COL11A1: variants seen among roughly 807,000 people sequenced by gnomAD.
COL11A1 encodes the protein collagen alpha-1(XI) chain.
Under a neutral mutation model 265.2 loss-of-function variants are expected in COL11A1, and 74 were observed. The ratio of observed to expected loss-of-function variants is 0.28; its 90% CI spans 0.23 to 0.34. COL11A1 has a LOEUF of 0.34. Among genes scored for constraint, COL11A1 ranks in the 10% least tolerant of loss-of-function variants. The probability of loss-of-function intolerance (pLI) is 1.00; values close to 1 mark genes in which losing one functional copy is unlikely to be tolerated. For synonymous variants in COL11A1, 816 were observed against 727.6 expected, an observed-to-expected ratio of 1.12 and a Z score of -1.96; for missense variants, 2,165 against 2,263.6, an observed-to-expected ratio of 0.96 and a Z score of 0.88.
At chr1:102,914,039 A>G (rs1355899461) in intron 52 of COL11A1, among the ~76,000 whole-genome samples, 1 of 152,186 alleles carries the variant, frequency 6.6e-6, no homozygotes, top group Non-Finnish European at 1.5e-5. Flanking sequence ...GAAACAGAAA[A>G]GCAAAGATCC....
chr1:102,957,995 A>G (rs1660533024), intron 41 of COL11A1, among the ~76,000 whole-genome samples: 1 of 152,106 alleles, frequency 6.6e-6, no homozygotes, highest in African/African-American at 2.4e-5. Context: ...CTCAGAACTC[A>G]TCACTTTGCT....
At chr1:102,945,331 G>C (rs1366842993) in intron 42 of COL11A1, among the ~76,000 whole-genome samples, 1 of 148,574 alleles carries the variant, frequency 6.7e-6, no homozygotes, top group African/African-American at 2.5e-5. Flanking sequence ...GTGCCAAGAA[G>C]TTCTTTACCA....
At position 103,030,901 on chromosome 1, in the gene COL11A1, T is replaced by A. The variant is rs1667934270; in HGVS notation, c.780+215A>T. ...TACACAGTATACAAGTGAAGCACCA[T>A]TATTGCTAATAAATTTATGTAATCA... is the stretch of plus-strand genomic sequence containing the variant. On this transcript the variant is annotated intron_variant, in intron 5 of 66. Transcript: ENST00000370096. The A allele has an allele frequency of 2.5e-5, 14 of 559,016 alleles. No homozygotes were observed. The South Asian group carries it at 2.7e-4, about 11-fold the overall frequency. The allele number at this position is 559,016 out of a possible 1,614,324, so 34.6% of individuals were successfully genotyped here.
At chr1:102,960,497 A>G (rs900490956) in intron 41 of COL11A1, among the ~76,000 whole-genome samples, 2 of 150,342 alleles carry the variant, frequency 1.3e-5, no homozygotes, top group African/African-American at 4.9e-5. Flanking sequence ...TGGGGGGGGG[A>G]ATTTTTACAA....
At chr1:103,062,639 C>T (rs1038896706) in intron 4 of COL11A1, among the ~76,000 whole-genome samples, 1 of 151,920 alleles carries the variant, frequency 6.6e-6, no homozygotes, top group Non-Finnish European at 1.5e-5. Flanking sequence ...GATTTTAAAA[C>T]ATGTTCTGAA....
chr1:103,013,690 A>G (rs1295992335), intron 13 of COL11A1, among the ~76,000 whole-genome samples: 3 of 151,944 alleles, frequency 2.0e-5, no homozygotes, highest in Non-Finnish European at 4.4e-5. Flanking sequence ...CACATGCTGC[A>G]TAAATTCATC....
chr1:102,930,971 A>G (rs1272547127), intron 46 of COL11A1, among the ~76,000 whole-genome samples: 5 of 147,608 alleles, frequency 3.4e-5, no homozygotes, highest in African/African-American at 4.9e-5. Flanking sequence ...CGTCTATTTG[A>G]TTCTTCTCTC....
chr1:102,878,959 T>C (rs1649894219), intron 66 of COL11A1, among the ~76,000 whole-genome samples: 1 of 152,180 alleles, frequency 6.6e-6, no homozygotes, highest in Non-Finnish European at 1.5e-5. Flanking sequence ...ATTTTATGAA[T>C]ATTTAACAAT....
At chr1:103,014,804 T>G (rs988144812) in intron 12 of COL11A1, among the ~76,000 whole-genome samples, 14 of 152,136 alleles carry the variant, frequency 9.2e-5, no homozygotes, top group African/African-American at 3.4e-4. Flanking sequence ...GGTTACCATT[T>G]GTAGAAGAAG....
At chr1:103,069,864 C>T (rs964295982) in intron 4 of COL11A1, among the ~76,000 whole-genome samples, 25 of 151,900 alleles carry the variant, frequency 1.6e-4, no homozygotes, top group Admixed American at 5.3e-4. Flanking sequence ...CACTACAATG[C>T]GTCTAGTTAG....
intron 4 of COL11A1, among the ~76,000 whole-genome samples, chr1:103,041,846 T>G (rs1668835365): frequency 6.6e-6 from 1 of 152,050 alleles, no homozygotes; most frequent in Non-Finnish European, 1.5e-5. Flanking sequence ...GAGAATTCCC[T>G]ACTGATATGG....
At chr1:103,059,842 G>A (rs1212315595) in intron 4 of COL11A1, among the ~76,000 whole-genome samples, 2 of 151,770 alleles carry the variant, frequency 1.3e-5, no homozygotes, top group Non-Finnish European at 2.9e-5. Context: ...AAAAAAGCTG[G>A]GAAATACAAA....
In COL11A1 at chr1:102,914,822, T is replaced by TAA; in HGVS notation, c.3817-12_3817-11insTT. ...TTCTCCTTTGGGACCCTAAACAATG[T>TAA]TAAAAAAAAAAAAAGAAGAAGAAGG... On this transcript the variant is annotated splice_polypyrimidine_tract_variant and intron_variant, in intron 50 of 66. Transcript: ENST00000370096. 7.1e-7 allele frequency: 1 copy of TAA among 1,417,886 alleles called. No homozygotes were observed. Among genetic ancestry groups the TAA allele is most frequent in the Non-Finnish European group, 9.5e-7 (1 of 1,050,328 alleles). 87.8% of individuals were successfully genotyped at this position (1,417,886 alleles called of 1,614,324 possible). A position where few individuals can be genotyped will look rare whatever the true frequency, so the allele number is the denominator to read the frequency against.
In COL11A1 at chr1:103,078,861, G is replaced by A; in HGVS notation, c.285C>T (p.Phe95=). 1.2e-6 allele frequency: 2 copies of A among 1,607,898 alleles called. No homozygotes were observed. The highest frequency in any genetic ancestry group is 1.7e-6 in the Non-Finnish European group (2 of 1,175,750). The change falls in exon 3 of 67, where the codon TTC becomes TTT. Residue 95 remains phenylalanine, a synonymous_variant. Transcript: ENST00000370096. ...TAAATAGTATTGAAAAGTCTTCTGG[G>A]AAAGTTCCACCTGAGAAGAAAAGGC... The part of the protein sequence containing the change: ...PTKQLFPGGT[F]PEDFSILFTV...
intron 24 of COL11A1, 175 bp downstream of exon 24, chr1:103,001,750 G>A: frequency 1.6e-6 from 1 of 640,792 alleles, no homozygotes. Context: ...CTCAGTTTAA[G>A]AACACATGAA....
chr1:102,946,471 T>C (rs548125603), intron 42 of COL11A1, among the ~76,000 whole-genome samples: 27 of 152,178 alleles, frequency 1.8e-4, no homozygotes, highest in Non-Finnish European at 3.7e-4. Context: ...TTACAGACTA[T>C]GGAAATGCTT....
intron 4 of COL11A1, among the ~76,000 whole-genome samples, chr1:103,044,847 T>C (rs1401683305): frequency 6.6e-6 from 1 of 152,046 alleles, no homozygotes; most frequent in African/African-American, 2.4e-5. Flanking sequence ...AATAATGTAG[T>C]ATGCCAGAAA....
intron 49 of COL11A1, among the ~76,000 whole-genome samples, chr1:102,917,773 T>C (rs1242232825): frequency 6.6e-6 from 1 of 151,834 alleles, no homozygotes; most frequent in Admixed American, 6.6e-5. Context: ...AGAATTTATG[T>C]ATGTGCTTTC....
chr1:102,959,047 C>T lies in COL11A1; in HGVS notation c.3168+2819G>A, dbSNP rs529648400. Among the ~76,000 whole-genome samples, 28 of 152,314 alleles carry T rather than the reference C, an allele frequency of 1.8e-4. No individual in the cohort carries two copies. The South Asian group carries it at 2.9e-3, about 16-fold the overall frequency. On this transcript the variant is annotated intron_variant, in intron 41 of 66. Transcript: ENST00000370096. ...ACATCTGCAATGTCCTTGGATTCCA[C>T]GTTGCCCAAGTCATCGGCTCACTCC...
Sources: gnomAD v4.1 joint callset for allele counts (sites outside exome capture counted in the v4.1 genomes callset) on GRCh38, gnomAD v4.1.1 for gene constraint, MANE v1.5 for transcripts, NCBI Gene and HGNC (gene_info 2026-07-23, HGNC 2026-07-21) for gene names.